The following DIPK1C variants were observed in gnomAD, a reference collection of about 807,000 sequenced individuals.
DIPK1C encodes divergent protein kinase domain 1C.
DIPK1C carries 33 observed loss-of-function variants against 28.0 expected under a neutral mutation model. The observed-to-expected ratio is 1.18, with a 90% confidence interval of 0.89 to 1.58. The LOEUF is 1.58. DIPK1C is among the 40% of genes most tolerant of loss of function. The pLI is 0.00. For synonymous variants in DIPK1C, 255 were observed against 248.8 expected (o/e 1.02, Z -0.23); for missense variants, 569 against 568.5 (o/e 1.00, Z -0.01).
chr18:74,449,861 G>C (rs113093938), intron 1 of DIPK1C, among the ~76,000 whole-genome samples: 2 of 152,210 alleles, frequency 1.3e-5, no homozygotes, highest in East Asian at 1.9e-4. Context: ...ACAGAATCTT[G>C]GTTAAATGTC....
chr18:74,454,060 A>G (rs1986453288), intron 1 of DIPK1C, among the ~76,000 whole-genome samples: 1 of 152,194 alleles, frequency 6.6e-6, no homozygotes, highest in South Asian at 2.1e-4. Context: ...CTAGCTCCCC[A>G]GCTGGCTGGG....
At position 74,446,680 on chromosome 18, in the gene DIPK1C, C is replaced by A; in HGVS notation, c.802G>T (p.Asp268Tyr). The A allele has an allele frequency of 2.6e-6, 4 of 1,527,970 alleles. No homozygotes were observed. 94.7% of individuals were successfully genotyped at this position (1,527,970 alleles called of 1,614,324 possible). The change falls in exon 2 of 4, where the codon GAC (aspartate) becomes TAC (tyrosine). Residue 268 changes from aspartate to tyrosine, a missense_variant. Asp to Tyr is a radical substitution (Grantham distance 160, BLOSUM62 -3). Coordinates refer to ENST00000343998, the MANE Select transcript of DIPK1C (RefSeq NM_001044369.3). ...LSFLDMVNHFDSDFSHRLHLC... is the reference protein window; with the variant it reads ...LSFLDMVNHFYSDFSHRLHLC... Reference sequence around the variant, plus strand: ...TGGAGGCGGTGGGAAAAGTCACTGTCAAAATGGTTCACCATGTCCAAGAAG... The same window carrying A: ...TGGAGGCGGTGGGAAAAGTCACTGTAAAAATGGTTCACCATGTCCAAGAAG...
Position 74,447,017 on chromosome 18 carries a change from G to C in DIPK1C, c.465C>G (p.Val155=). ...ACAACTCCAGGCCCAGAGCGCTCTT[G>C]ACCTCCCCAGCCACCATCAGGAGGA... is the stretch of plus-strand genomic sequence containing the variant. ...AELLLMVAGE[V]KSALGLELSN... The change falls in exon 2 of 4, where the codon GTC becomes GTG. Residue 155 remains valine (V), a synonymous_variant. Coordinates refer to ENST00000343998, the MANE Select transcript of DIPK1C (RefSeq NM_001044369.3). This position sits in a 1 kb window ranked among gnomAD's most constrained non-coding sequence, Gnocchi z 4.1. The C allele has an allele frequency of 1.9e-6, 3 of 1,545,154 alleles. No individual in the cohort carries two copies. Among genetic ancestry groups the C allele is most frequent in the Non-Finnish European group, 2.6e-6 (3 of 1,143,428 alleles).
At chr18:74,442,976 C>T (rs933949893) in intron 2 of DIPK1C, among the ~76,000 whole-genome samples, 1 of 152,174 alleles carries the variant, frequency 6.6e-6, no homozygotes, top group African/African-American at 2.4e-5. Context: ...GCAGTGCCTA[C>T]GTTCTCTTCA....
At chr18:74,462,718 G>A (rs116236538), upstream of DIPK1C, among the ~76,000 whole-genome samples, 3 of 150,170 alleles carry the variant, frequency 2.0e-5, no homozygotes, top group Admixed American at 6.6e-5. Flanking sequence ...TGCACCATTT[G>A]ACATTCCTAT....
In DIPK1C at chr18:74,446,940, C is replaced by T. The variant is rs545396559; in HGVS notation, c.542G>A (p.Arg181Gln). 982 of 1,502,688 alleles carry T rather than the reference C, an allele frequency of 6.5e-4. 10 individuals carry two copies. The East Asian group carries it at 0.018, about 27-fold the overall frequency. The allele number at this position is 1,502,688 out of a possible 1,614,324, so 93.1% of individuals were successfully genotyped here. ...GGCCCACAGGCTGGCCAGCTGTCCC[C>T]GCCAGCGTGGGCCCCGCCTGCCCGG... The part of the protein sequence containing the change: ...WWPGRRGPRW[R>Q]GQLASLWALL... Residue 181 changes from arginine to glutamine, a missense_variant, in exon 2 of 4, where the codon CGG becomes CAG. Arg to Gln is a conservative substitution (Grantham distance 43, BLOSUM62 1). Transcript: ENST00000343998.
intron 2 of DIPK1C, among the ~76,000 whole-genome samples, chr18:74,445,466 G>A (rs1013175171): frequency 6.6e-6 from 1 of 152,228 alleles, no homozygotes; most frequent in African/African-American, 2.4e-5. Context: ...GCCCTTCACA[G>A]GCATGAGGGC....
At chr18:74,438,063 T>A (rs1186616314) in intron 3 of DIPK1C, among the ~76,000 whole-genome samples, 2 of 152,126 alleles carry the variant, frequency 1.3e-5, no homozygotes, top group African/African-American at 2.4e-5. Context: ...GGCTAGTTTT[T>A]GTATATTTTG....
chr18:74,443,312 A>G (rs1226828275), intron 2 of DIPK1C, among the ~76,000 whole-genome samples: 2 of 152,236 alleles, frequency 1.3e-5, no homozygotes, highest in Non-Finnish European at 2.9e-5. Flanking sequence ...AGCCGTTTAT[A>G]GCTTCGAGGT....
intron 1 of DIPK1C, among the ~76,000 whole-genome samples, chr18:74,452,486 G>A (rs775478775): frequency 3.3e-5 from 5 of 151,930 alleles, no homozygotes; most frequent in South Asian, 2.1e-4. Context: ...GATCATGCCC[G>A]TAATCCGAGC....
At position 74,455,731 on chromosome 18, in the gene DIPK1C, A is replaced by AAAAG. The variant is rs1179928348; in HGVS notation, c.198+1330_198+1331insCTTT. Among the ~76,000 whole-genome samples the AAAAG allele has an allele frequency of 2.1e-4, 31 of 149,692 alleles. 1 individual carries two copies. Among genetic ancestry groups the AAAAG allele is most frequent in the Non-Finnish European group, 4.3e-4 (29 of 67,332 alleles). ...AGACAAGAGCAAAACTCCATAAAAA[A>AAAAG]AAAAGAAAAAGAAAAAGAAAAAAAA... On this transcript the variant is annotated intron_variant, in intron 1 of 3. Coordinates refer to ENST00000343998, the MANE Select transcript of DIPK1C (RefSeq NM_001044369.3).
upstream of DIPK1C, among the ~76,000 whole-genome samples, chr18:74,461,827 G>A (rs1001894931): frequency 6.6e-6 from 1 of 152,120 alleles, no homozygotes; most frequent in Non-Finnish European, 1.5e-5. Context: ...CATCACCACA[G>A]CTTACTGCAG....
chr18:74,455,361 C>T (rs1450600948), intron 1 of DIPK1C, among the ~76,000 whole-genome samples: 1 of 151,968 alleles, frequency 6.6e-6, no homozygotes, highest in East Asian at 1.9e-4. Flanking sequence ...CTAGTTAAAC[C>T]ATCAATGTTT....
At chr18:74,462,154 A>G (rs541779073), upstream of DIPK1C, among the ~76,000 whole-genome samples, 1 of 152,196 alleles carries the variant, frequency 6.6e-6, no homozygotes, top group East Asian at 1.9e-4. Flanking sequence ...GATTCTCAAG[A>G]CATGTGCAGA....
At chr18:74,457,759 C>G (rs898929513), upstream of DIPK1C, 3 of 151,302 alleles carry the variant, frequency 2.0e-5, no homozygotes, top group East Asian at 2.0e-4. Context: ...GAACCGCCCC[C>G]CTCTGAGTCT....
At position 74,457,061 on chromosome 18, in the gene DIPK1C, C is replaced by T. The variant is rs1207240151; in HGVS notation, c.198+1G>A. ...CGGGGCAGAGCGGCGGCGGGACCTA[C>T]CAGCGCGGCCAGGATGCGCCGGCTC... On this transcript the variant is annotated splice_donor_variant, in intron 1 of 3. Transcript: ENST00000343998. LOFTEE classifies it high-confidence loss of function. 1.4e-5 allele frequency: 20 copies of T among 1,452,902 alleles called. No individual in the cohort carries two copies. In the East Asian group the frequency reaches 5.7e-4, roughly 42 times the overall value. 90.0% of individuals were successfully genotyped at this position (1,452,902 alleles called of 1,614,324 possible).
chr18:74,450,825 A>G (rs1311303681), intron 1 of DIPK1C, among the ~76,000 whole-genome samples: 3 of 152,210 alleles, frequency 2.0e-5, no homozygotes, highest in African/African-American at 7.2e-5. Context: ...TTCCTAAATG[A>G]CATTAGAGTG....
intron 2 of DIPK1C, among the ~76,000 whole-genome samples, chr18:74,443,894 G>T (rs1312316777): frequency 6.6e-6 from 1 of 152,018 alleles, no homozygotes; most frequent in Non-Finnish European, 1.5e-5. Flanking sequence ...CAGAATTTTA[G>T]CTTCTTGCAA....
At chr18:74,441,473 TCTC>T (rs1173133890) in intron 3 of DIPK1C, among the ~76,000 whole-genome samples, 2 of 152,162 alleles carry the variant, frequency 1.3e-5, no homozygotes, top group African/African-American at 4.8e-5. Flanking sequence ...TTGTAGCTGA[TCTC>T]CTGGACTTGG....
Sources: allele counts gnomAD v4.1 joint callset (sites outside exome capture counted in the v4.1 genomes callset), GRCh38; gene constraint gnomAD v4.1.1; non-coding constraint Gnocchi (gnomAD v3.1); transcripts MANE v1.5; gene names NCBI Gene and HGNC (gene_info 2026-07-23, HGNC 2026-07-21).